Variants in PBRM1 observed in about 807,000 individuals in gnomAD.
The protein encoded by PBRM1 is polybromo 1.
Under a neutral mutation model 194.5 loss-of-function variants are expected in PBRM1, and 27 were observed. The observed-to-expected ratio is 0.14, with a 90% CI of 0.10 to 0.19. The LOEUF (loss-of-function observed/expected upper bound fraction) is 0.19. Among genes scored for constraint, PBRM1 ranks in the 10% least tolerant of loss-of-function variants. PBRM1 has a pLI of 1.00. For synonymous variants in PBRM1, 655 were observed against 693.2 expected (o/e 0.94, Z 0.87); for missense variants, 1,466 against 2,077.2 (o/e 0.71, Z 5.72).
At chr3:52,675,161 C>T (rs1413108867) in intron 2 of PBRM1, among the ~76,000 whole-genome samples, 1 of 152,082 alleles carries the variant, frequency 6.6e-6, no homozygotes, top group Non-Finnish European at 1.5e-5. Flanking sequence ...AAACACACAA[C>T]CTACTAAAGA....
At chr3:52,644,008 C>T (rs2096211255) in intron 8 of PBRM1, among the ~76,000 whole-genome samples, 1 of 151,442 alleles carries the variant, frequency 6.6e-6, no homozygotes, top group African/African-American at 2.4e-5. Context: ...CAAGGAAAAG[C>T]CAGGATGAGA....
chr3:52,563,890 T>C (rs1030163428), intron 23 of PBRM1, among the ~76,000 whole-genome samples, 160 bp downstream of exon 25: 5 of 152,050 alleles, frequency 3.3e-5, no homozygotes, highest in Admixed American at 6.6e-5. Flanking sequence ...CAGCAGATTA[T>C]GAAGTCTTTC....
At chr3:52,635,394 C>T (rs918225407) in intron 10 of PBRM1, among the ~76,000 whole-genome samples, 1 of 151,880 alleles carries the variant, frequency 6.6e-6, no homozygotes, top group Admixed American at 6.6e-5. Context: ...GGTGAAACCC[C>T]GTCTCTACTA....
intron 17 of PBRM1, among the ~76,000 whole-genome samples, chr3:52,600,156 G>C (rs185367689): frequency 6.6e-6 from 1 of 152,130 alleles, no homozygotes; most frequent in African/African-American, 2.4e-5. Context: ...AACATTTTAA[G>C]TTCTCTCTTT....
Position 52,609,436 on chromosome 3 carries a change from G to C in PBRM1, c.2444C>G (p.Pro815Arg), listed in dbSNP as rs1283107190. Residue 815 changes from proline (P) to arginine (R), a missense_variant, in exon 16 of 30, where the codon CCT (proline) becomes CGT (arginine). Pro to Arg is a moderately radical substitution (Grantham distance 103, BLOSUM62 -2). Coordinates refer to ENST00000296302, the Ensembl canonical transcript of PBRM1. The surrounding 1 kb of genome is among the most constrained non-coding windows in gnomAD (Gnocchi z 4.1). ...GTCAAATGTAAGGGGTGGTTTGTTA[G>C]GAAAGTTGGGATCCACAGCAGGAAT... The C allele has an allele frequency of 4.3e-6, 7 of 1,613,954 alleles. No individual in the cohort carries two copies. In the East Asian group the frequency reaches 1.6e-4, roughly 36 times the overall value.
At chr3:52,657,785 C>CT (rs893863963) in intron 5 of PBRM1, among the ~76,000 whole-genome samples, 77 of 123,818 alleles carry the variant, frequency 6.2e-4, no homozygotes, top group South Asian at 8.0e-4. Flanking sequence ...TCTTCCTTTT[C>CT]TTTTTTTTTT....
intron 25 of PBRM1, among the ~76,000 whole-genome samples, chr3:52,560,033 A>G (rs2083130349): frequency 6.6e-6 from 1 of 152,092 alleles, no homozygotes; most frequent in Admixed American, 6.6e-5. Context: ...GAGAGAAAAC[A>G]TCAAAAGTTC....
intron 17 of PBRM1, among the ~76,000 whole-genome samples, chr3:52,601,954 C>G (rs1262914957): frequency 1.3e-5 from 2 of 152,092 alleles, no homozygotes; most frequent in Non-Finnish European, 2.9e-5. Context: ...TGCCAGTTGT[C>G]GTGGTAGTGA....
chr3:52,653,901 C>A (rs574616500), intron 5 of PBRM1, among the ~76,000 whole-genome samples: 1 of 152,236 alleles, frequency 6.6e-6, no homozygotes, highest in Admixed American at 6.5e-5. Context: ...CAGAGCAAGA[C>A]TGTCTTGAAA....
At chr3:52,665,539 G>C (rs2096816345) in intron 3 of PBRM1, among the ~76,000 whole-genome samples, 1 of 152,130 alleles carries the variant, frequency 6.6e-6, no homozygotes, top group African/African-American at 2.4e-5. Flanking sequence ...TTTGGAACTG[G>C]GCCGCACAGC....
intron 22 of PBRM1, among the ~76,000 whole-genome samples, chr3:52,564,684 T>A (rs915495621): frequency 2.0e-5 from 3 of 151,994 alleles, no homozygotes; most frequent in Non-Finnish European, 4.4e-5. Flanking sequence ...ACAATATGTA[T>A]TGGCATAAGG....
At chr3:52,644,714 G>C (rs2153731538) in exon 8 of PBRM1, 1 of 1,546,728 alleles carries the variant, frequency 6.5e-7, no homozygotes, top group Non-Finnish European at 8.9e-7. Flanking sequence ...CTCATTCGAA[G>C]ACTTGACTTA....
chr3:52,636,033 TG>T (rs1219247244), intron 10 of PBRM1, among the ~76,000 whole-genome samples: 5 of 150,632 alleles, frequency 3.3e-5, no homozygotes, highest in East Asian at 2.0e-4. Flanking sequence ...CTGGCCAATT[TG>T]GTTTTTTTTT....
chr3:52,637,570 T>C (rs978296306), intron 10 of PBRM1, among the ~76,000 whole-genome samples: 2 of 151,476 alleles, frequency 1.3e-5, no homozygotes, highest in African/African-American at 2.4e-5. Flanking sequence ...GAGGTGGAGG[T>C]TGCAGTGAGC....
chr3:52,588,578 C>CAG (rs36064037), intron 18 of PBRM1, among the ~76,000 whole-genome samples: 55,700 of 128,538 alleles, frequency 0.43, 11,843 homozygotes, highest in Admixed American at 0.53. Context: ...TTTTTTGAGA[C>CAG]AGTCTCACTC....
chr3:52,681,617 C>T (rs570965993), upstream of PBRM1: 51 of 558,492 alleles, frequency 9.1e-5, no homozygotes, highest in Middle Eastern at 8.6e-4. Flanking sequence ...GAAAGGATAA[C>T]AAAAATTTAA....
intron 3 of PBRM1, among the ~76,000 whole-genome samples, chr3:52,663,473 G>A (rs886895512): frequency 7.2e-5 from 11 of 152,170 alleles, no homozygotes; most frequent in African/African-American, 1.4e-4. Flanking sequence ...ACTCTTCATC[G>A]TAAAGTTAGC....
chr3:52,552,653 G>A (rs1440607398), intron 27 of PBRM1, among the ~76,000 whole-genome samples: 2 of 152,132 alleles, frequency 1.3e-5, no homozygotes, highest in East Asian at 3.9e-4. Flanking sequence ...AGGTGGAAAG[G>A]AAGACAGCTA....
chr3:52,557,863 GAT>G (rs891909096), intron 26 of PBRM1, among the ~76,000 whole-genome samples: 25 of 152,214 alleles, frequency 1.6e-4, no homozygotes, highest in African/African-American at 6.0e-4. Context: ...ACTGGAATGA[GAT>G]GGGAAAATCA....
Sources: allele counts gnomAD v4.1 joint callset (sites outside exome capture counted in the v4.1 genomes callset), GRCh38; gene constraint gnomAD v4.1.1; non-coding constraint Gnocchi (gnomAD v3.1); transcripts MANE v1.5; gene names NCBI Gene and HGNC (gene_info 2026-07-23, HGNC 2026-07-21).